The following NALF1 variants were observed in gnomAD, a reference collection of about 807,000 sequenced individuals.
NALF1 encodes NALCN channel auxiliary factor 1.
Under a neutral mutation model 48.4 loss-of-function variants are expected in NALF1, and 3 were observed. The observed-to-expected ratio is 0.06, with a 90% CI of 0.03 to 0.16. The LOEUF (loss-of-function observed/expected upper bound fraction) is 0.16, where lower values mean the gene tolerates loss of function less well. NALF1 is among the 10% of genes least tolerant of loss of function. NALF1 has a pLI of 1.00. For missense variants in NALF1, 526 were observed against 571.5 expected, an observed-to-expected ratio of 0.92 and a Z score of 0.81; for synonymous variants, 262 against 245.7, an observed-to-expected ratio of 1.07 and a Z score of -0.62.
At chr13:107,201,163 T>C (rs1008831807) in intron 2 of NALF1, among the ~76,000 whole-genome samples, 10 of 140,864 alleles carry the variant, frequency 7.1e-5, no homozygotes, top group Non-Finnish European at 1.1e-4. Flanking sequence ...TATCTATCTA[T>C]CTATCATCTA....
intron 1 of NALF1, among the ~76,000 whole-genome samples, chr13:107,566,767 G>A (rs981297239): frequency 2.0e-5 from 3 of 152,096 alleles, no homozygotes; most frequent in African/African-American, 7.2e-5. Context: ...AGTACCATTA[G>A]GTAATCCTAA....
chr13:107,826,463 G>A (rs914390463), intron 1 of NALF1, among the ~76,000 whole-genome samples: 1 of 152,238 alleles, frequency 6.6e-6, no homozygotes, highest in Admixed American at 6.5e-5. Context: ...GGGCATGAAA[G>A]AGCGGGAAAA....
chr13:107,750,360 G>T (rs1255543654), intron 1 of NALF1, among the ~76,000 whole-genome samples: 1 of 152,124 alleles, frequency 6.6e-6, no homozygotes, highest in Admixed American at 6.5e-5. Context: ...TGATTTCTCA[G>T]AAAATACAGG....
chr13:107,386,956 G>A (rs933044391), intron 1 of NALF1, among the ~76,000 whole-genome samples: 2 of 152,082 alleles, frequency 1.3e-5, no homozygotes, highest in African/African-American at 4.8e-5. Flanking sequence ...ACTAAAGAAT[G>A]ATATATTTTC....
At chr13:107,255,776 G>C (rs1880802168) in intron 1 of NALF1, among the ~76,000 whole-genome samples, 1 of 152,118 alleles carries the variant, frequency 6.6e-6, no homozygotes, top group Admixed American at 6.6e-5. Context: ...AGGTCTGTTT[G>C]TCTAGTAAGT....
chr13:107,227,583 A>G (rs1180866506), intron 1 of NALF1, among the ~76,000 whole-genome samples: 2 of 152,246 alleles, frequency 1.3e-5, no homozygotes, highest in African/African-American at 2.4e-5. Flanking sequence ...AGATCGTGTA[A>G]TACTGGTGAT....
At chr13:107,339,547 G>A (rs1019315843) in intron 1 of NALF1, among the ~76,000 whole-genome samples, 6 of 152,072 alleles carry the variant, frequency 3.9e-5, no homozygotes, top group African/African-American at 7.2e-5. Context: ...AGAGGAGTCC[G>A]GGACTCCCCA....
At chr13:107,304,276 G>A (rs746808936) in intron 1 of NALF1, among the ~76,000 whole-genome samples, 16 of 152,116 alleles carry the variant, frequency 1.1e-4, no homozygotes, top group South Asian at 2.1e-4. Context: ...TGTAAGTCCT[G>A]GAAATAAAAA....
chr13:107,614,104 A>C (rs966865879), intron 1 of NALF1, among the ~76,000 whole-genome samples: 9 of 152,228 alleles, frequency 5.9e-5, no homozygotes, highest in African/African-American at 2.2e-4. Flanking sequence ...GGAGGAGTTT[A>C]ACGCCAGATG....
At chr13:107,226,262 C>T (rs1431434804) in intron 1 of NALF1, among the ~76,000 whole-genome samples, 1 of 151,994 alleles carries the variant, frequency 6.6e-6, no homozygotes, top group African/African-American at 2.4e-5. Context: ...CAGAAAACCC[C>T]GGCAAAAATA....
intron 2 of NALF1, among the ~76,000 whole-genome samples, chr13:107,199,933 G>A (rs1467795258): frequency 2.0e-5 from 3 of 152,160 alleles, no homozygotes; most frequent in African/African-American, 7.2e-5. Flanking sequence ...CTTGTCCTGA[G>A]TGACACCTCC....
intron 2 of NALF1, among the ~76,000 whole-genome samples, chr13:107,185,212 T>A (rs909489664): frequency 6.6e-6 from 1 of 152,138 alleles, no homozygotes; most frequent in Non-Finnish European, 1.5e-5. Flanking sequence ...CATCTTGACC[T>A]CAGGCTTCTA....
intron 1 of NALF1, among the ~76,000 whole-genome samples, chr13:107,587,487 A>G (rs1271874310): frequency 1.3e-5 from 2 of 152,148 alleles, no homozygotes; most frequent in Admixed American, 6.6e-5. Context: ...CATTTTAGGA[A>G]TAATAATTGT....
intron 1 of NALF1, among the ~76,000 whole-genome samples, chr13:107,409,387 T>C (rs1376949946): frequency 1.3e-5 from 2 of 151,782 alleles, no homozygotes; most frequent in South Asian, 4.2e-4. Context: ...CTGTGAGAAG[T>C]GAAGGAAAGG....
intron 1 of NALF1, among the ~76,000 whole-genome samples, chr13:107,347,609 A>G (rs976862453): frequency 6.6e-6 from 1 of 152,228 alleles, no homozygotes; most frequent in East Asian, 1.9e-4. Context: ...TGAGCATGAA[A>G]TGCCCAACTG....
rs111937770 is a variant in NALF1 at position 107,813,998 on chromosome 13, T to C, written c.915+51684A>G. ...TTGAGCTTATGGCATGAGAAGATAA[T>C]AGGGGGAGTACAAAGAAGGAAACTA... On this transcript the variant is annotated intron_variant, in intron 1 of 2. Coordinates refer to ENST00000375915, the MANE Select transcript of NALF1 (RefSeq NM_001080396.3). Among the ~76,000 whole-genome samples, 5 of 152,186 alleles carry C rather than the reference T, an allele frequency of 3.3e-5. 1 individual carries two copies. The highest frequency in any genetic ancestry group is 1.2e-4 in the African/African-American group (5 of 41,526).
At chr13:107,811,984 T>C (rs553918503) in intron 1 of NALF1, among the ~76,000 whole-genome samples, 20 of 152,226 alleles carry the variant, frequency 1.3e-4, no homozygotes, top group Admixed American at 1.2e-3. Flanking sequence ...ACAGTTAAAA[T>C]TTTTCCTCAT....
intron 1 of NALF1, among the ~76,000 whole-genome samples, chr13:107,511,739 T>A (rs952942622): frequency 2.6e-5 from 4 of 152,178 alleles, no homozygotes. Flanking sequence ...AAAAAATAAC[T>A]GCATATCTAC....
intron 1 of NALF1, among the ~76,000 whole-genome samples, chr13:107,282,145 G>T (rs144607021): frequency 2.6e-4 from 39 of 152,202 alleles, no homozygotes; most frequent in African/African-American, 9.4e-4. Flanking sequence ...AAACTTATGT[G>T]GTATAATGCA....
Sources: gnomAD v4.1 joint callset for allele counts (sites outside exome capture counted in the v4.1 genomes callset) on GRCh38, gnomAD v4.1.1 for gene constraint, MANE v1.5 for transcripts, NCBI Gene and HGNC (gene_info 2026-07-23, HGNC 2026-07-21) for gene names.